The following SUN1 variants were observed in gnomAD, a reference collection of about 807,000 sequenced individuals.
The protein encoded by SUN1 is SUN domain-containing protein 1.
A neutral mutation model predicts 103.2 loss-of-function variants in SUN1; 61 were observed. That is an observed-to-expected ratio of 0.59 (90% CI 0.48 to 0.73). SUN1 has a LOEUF of 0.73. Ranked by LOEUF, SUN1 falls within the 30% of genes least tolerant of loss-of-function variation. SUN1 has a pLI of 0.00. For synonymous variants in SUN1, 490 were observed against 425.7 expected (o/e 1.15, Z -1.86); for missense variants, 1,052 against 1,034.6 (o/e 1.02, Z -0.23).
chr7:839,710 G>A (rs1431309634), intron 2 of SUN1, among the ~76,000 whole-genome samples: 1 of 112,238 alleles, frequency 8.9e-6, no homozygotes, highest in Non-Finnish European at 1.9e-5. Flanking sequence ...CCACCACCAC[G>A]CCCAGCTAAT....
Position 838,803 on chromosome 7 carries a change from G to C in SUN1, c.83G>C (p.Ser28Thr), listed in dbSNP as rs1806108081. ...GATGAGCTTTTTCCTTCTAGTTCCA[G>C]CTATTCTTCAGATGCTCTGGATTTT... ...NTGYTYALSS[S>T]YSSDALDFET... Residue 28 changes from serine to threonine, a missense_variant, in exon 2 of 19, where the codon AGC (serine) becomes ACC (threonine). Transcript: ENST00000401592. 1.9e-6 allele frequency: 3 copies of C among 1,546,128 alleles called. No individual in the cohort carries two copies. The highest frequency in any genetic ancestry group is 1.7e-6 in the Non-Finnish European group (2 of 1,142,908).
Position 841,958 on chromosome 7 carries a change from G to A in SUN1, c.279G>A (p.Gln93=). ...LKNRAARTTK[Q]RRSTNKSAFS... Reference sequence around the variant, plus strand: ...TTTTTCTTCTTAGAACAACAAAACAGCGCAGAAGCACAAACAAATCAGCTT... The same window carrying A: ...TTTTTCTTCTTAGAACAACAAAACAACGCAGAAGCACAAACAAATCAGCTT... Residue 93 remains glutamine (Q), a synonymous_variant, in exon 3 of 19, where the codon CAG becomes CAA. Coordinates refer to ENST00000401592, the MANE Select transcript of SUN1 (RefSeq NM_001130965.3). The A allele has an allele frequency of 6.2e-7, 1 of 1,614,102 alleles. No homozygotes were observed. Among genetic ancestry groups the A allele is most frequent in the Non-Finnish European group, 8.5e-7 (1 of 1,180,024 alleles).
intron 1 of SUN1, among the ~76,000 whole-genome samples, chr7:821,331 A>T (rs1028635307): frequency 1.3e-5 from 2 of 151,830 alleles, no homozygotes; most frequent in Non-Finnish European, 2.9e-5. Flanking sequence ...CACCACGCCC[A>T]GCTAAGTTTT....
rs1174410380 is a variant in SUN1 at position 836,784 on chromosome 7, G to A, written c.78-2014G>A. Reference sequence around the variant, plus strand: ...CAAATATCTGAGCGCCCAAGGCCCAGTCAGGTTGACACATGCAGGTAACCC... The same window carrying A: ...CAAATATCTGAGCGCCCAAGGCCCAATCAGGTTGACACATGCAGGTAACCC... On this transcript the variant is annotated intron_variant, in intron 1 of 18. Coordinates refer to ENST00000401592, the MANE Select transcript of SUN1 (RefSeq NM_001130965.3). Among the ~76,000 whole-genome samples the A allele has an allele frequency of 2.6e-5, 4 of 152,240 alleles. No homozygotes were observed. In the East Asian group the frequency reaches 7.7e-4, roughly 29 times the overall value.
chr7:841,941 C>G lies in SUN1; in HGVS notation c.267-5C>G. 6.2e-7 allele frequency: 1 copy of G among 1,608,152 alleles called. No homozygotes were observed. Among genetic ancestry groups the G allele is most frequent in the Non-Finnish European group, 8.5e-7 (1 of 1,178,070 alleles). ...TATAAACTTGCTGTTTTTTTTTCTT[C>G]TTAGAACAACAAAACAGCGCAGAAG... On this transcript the variant is annotated splice_polypyrimidine_tract_variant and splice_region_variant and intron_variant, in intron 2 of 18. Coordinates refer to ENST00000401592, the MANE Select transcript of SUN1 (RefSeq NM_001130965.3).
intron 5 of SUN1, among the ~76,000 whole-genome samples, chr7:844,925 C>T (rs578020260): frequency 2.6e-5 from 4 of 152,198 alleles, no homozygotes; most frequent in South Asian, 4.1e-4. Flanking sequence ...GGGTGCTGCA[C>T]GTGAGCCGTG....
chr7:864,275 T>TAC (rs1352088367), intron 15 of SUN1, among the ~76,000 whole-genome samples: 1 of 152,018 alleles, frequency 6.6e-6, no homozygotes, highest in Non-Finnish European at 1.5e-5. Flanking sequence ...AGGCCAGGTG[T>TAC]AGTGGCTCAT....
chr7:817,271 T>A (rs545330850), intron 1 of SUN1: 15 of 729,518 alleles, frequency 2.1e-5, no homozygotes, highest in Admixed American at 2.0e-4. Context: ...ATAGTCGTAT[T>A]TTTTGTAGGG....
At position 860,353 on chromosome 7, in the gene SUN1, G is replaced by A. The variant is rs577114204; in HGVS notation, c.1750G>A (p.Glu584Lys). 17 of 1,614,030 alleles carry A rather than the reference G, an allele frequency of 1.1e-5. No homozygotes were observed. The Admixed American group carries it at 1.7e-4, about 16-fold the overall frequency. Reference protein sequence around the residue: ...TSEAVVSAVSEAGASGITEAQ... With the variant: ...TSEAVVSAVSKAGASGITEAQ... ...AGAAGCCGTGGTGTCTGCTGTGAGC[G>A]AGGCGGGGGCGTCTGGAATAACAGA... Residue 584 changes from glutamate to lysine, a missense_variant, in exon 14 of 19, where the codon GAG becomes AAG. Around this residue, in one of 2 missense-constraint regions of SUN1, gnomAD observed 846 missense variants for 774.5 expected, o/e 1.09. Transcript: ENST00000401592.
At chr7:859,979 A>C in intron 13 of SUN1, 149 bp from the exon 14 acceptor site, 1 of 1,099,772 alleles carries the variant, frequency 9.1e-7, no homozygotes, top group Non-Finnish European at 1.3e-6. Flanking sequence ...GGGGTTATTA[A>C]ATTTAATATG....
At chr7:853,343 G>A in intron 9 of SUN1, 66 bp from the exon 10 acceptor site, 3 of 1,577,540 alleles carry the variant, frequency 1.9e-6, no homozygotes, top group Non-Finnish European at 2.6e-6. Context: ...ACTGTTTGGA[G>A]GTTTAACTGA....
chr7:852,996 G>A (rs1296169113), intron 9 of SUN1, 44 bp downstream of exon 9: 2 of 1,580,470 alleles, frequency 1.3e-6, no homozygotes, highest in Middle Eastern at 2.2e-4. Flanking sequence ...GCACATGTGA[G>A]GTCTTCAGGG....
intron 1 of SUN1, among the ~76,000 whole-genome samples, chr7:823,310 T>G (rs1268278722): frequency 6.6e-6 from 1 of 152,210 alleles, no homozygotes; most frequent in Non-Finnish European, 1.5e-5. Context: ...CAGTGAGTGC[T>G]AGAATTGACA....
chr7:866,346 C>T (rs1349076848), intron 16 of SUN1, among the ~76,000 whole-genome samples: 1 of 152,168 alleles, frequency 6.6e-6, no homozygotes, highest in African/African-American at 2.4e-5. Context: ...TTTGGGTGTT[C>T]CAGCCATGGT....
chr7:852,754 C>A (rs1375494690), intron 8 of SUN1, 56 bp from the exon 9 acceptor site: 13 of 1,612,576 alleles, frequency 8.1e-6, no homozygotes, highest in East Asian at 2.2e-5. Flanking sequence ...GCGTGTAAGT[C>A]CATGTTTTGA....
intron 12 of SUN1, 35 bp downstream of exon 12, chr7:856,436 CGGT>C: frequency 2.5e-6 from 4 of 1,612,328 alleles, no homozygotes; most frequent in Non-Finnish European, 3.4e-6. Flanking sequence ...CTTTTGTCTT[CGGT>C]GTGTGTGTGT....
In SUN1 at chr7:856,399, CAGGT is replaced by C. The variant is rs766858288; in HGVS notation, c.1394+2_1394+5del. 6 of 1,614,038 alleles carry C rather than the reference CAGGT, an allele frequency of 3.7e-6. No individual in the cohort carries two copies. The highest frequency in any genetic ancestry group is 4.2e-6 in the Non-Finnish European group (5 of 1,179,976). ...TAGAACAGACCAAGCAAAAAACAAT[CAGGT>C]AGGAGGATTTGGAAAACATTCACTT... is the stretch of plus-strand genomic sequence containing the variant. On this transcript the variant is annotated splice_donor_variant and coding_sequence_variant, in exon 12 of 19. Transcript: ENST00000401592. LOFTEE classifies it high-confidence loss of function.
intron 1 of SUN1, among the ~76,000 whole-genome samples, chr7:837,551 C>T (rs546199575): frequency 6.6e-6 from 1 of 152,300 alleles, no homozygotes; most frequent in East Asian, 1.9e-4. Context: ...AAGGTGAGAT[C>T]TCTTATCTTC....
rs1271700877 is a variant in SUN1, at chr7:853,235, TAGTC to T, written c.1054-171_1054-168del. 1.2e-5 allele frequency: 9 copies of T among 774,858 alleles called. No homozygotes were observed. In the African/African-American group the frequency reaches 1.6e-4, roughly 14 times the overall value. 48.0% of individuals were successfully genotyped at this position (774,858 alleles called of 1,614,324 possible). On this transcript the variant is annotated intron_variant, in intron 9 of 18. Coordinates refer to ENST00000401592, the MANE Select transcript of SUN1 (RefSeq NM_001130965.3). ...TAGAGAAGAAAATGAGAAGCACCCA[TAGTC>T]AGCCATGTAAGGATCAAACCTGATA...
Sources: gnomAD v4.1 joint callset for allele counts (sites outside exome capture counted in the v4.1 genomes callset) on GRCh38, gnomAD v4.1.1 for gene constraint, gnomAD v4.1.1 regional missense constraint, MANE v1.5 for transcripts, NCBI Gene and HGNC (gene_info 2026-07-23, HGNC 2026-07-21) for gene names.